TET1: variants seen among roughly 807,000 people sequenced by gnomAD.
TET1 encodes the protein methylcytosine dioxygenase TET1.
A neutral mutation model predicts 148.7 loss-of-function variants in TET1; 13 were observed. That is an observed-to-expected ratio of 0.09 (90% CI 0.06 to 0.14). TET1 has a LOEUF of 0.14. TET1 is among the 10% of genes least tolerant of loss of function. The pLI is 1.00. For synonymous variants in TET1, 907 were observed against 937.2 expected (o/e 0.97, Z 0.59); for missense variants, 2,182 against 2,553.8 (o/e 0.85, Z 3.14).
At chr10:68,654,473 C>G (rs570047328) in intron 6 of TET1, among the ~76,000 whole-genome samples, 1 of 151,576 alleles carries the variant, frequency 6.6e-6, no homozygotes, top group Non-Finnish European at 1.5e-5. Context: ...AAAAATTAGC[C>G]GGGCGTGGTG....
chr10:68,578,563 A>G (rs2053757974), intron 2 of TET1, among the ~76,000 whole-genome samples: 1 of 152,080 alleles, frequency 6.6e-6, no homozygotes, highest in East Asian at 1.9e-4. Flanking sequence ...ATTCTTTATA[A>G]TATTTTAATT....
At chr10:68,582,607 T>C (rs2053810511) in intron 2 of TET1, among the ~76,000 whole-genome samples, 1 of 152,196 alleles carries the variant, frequency 6.6e-6, no homozygotes, top group Admixed American at 6.5e-5. Context: ...ATTGTCTAGT[T>C]CCAGGGCTGT....
intron 8 of TET1, among the ~76,000 whole-genome samples, chr10:68,679,165 AG>A (rs1186273456): frequency 6.6e-6 from 1 of 152,238 alleles, no homozygotes; most frequent in East Asian, 1.9e-4. Flanking sequence ...CCTGGGCAAC[AG>A]AGTGAAACTC....
At chr10:68,686,777 C>T (rs775246601) in intron 11 of TET1, 70 bp downstream of exon 11, 79 of 1,412,238 alleles carry the variant, frequency 5.6e-5, no homozygotes, top group Non-Finnish European at 7.0e-5. Flanking sequence ...TTTGCCTTGC[C>T]TTATTTGTTT....
intron 2 of TET1, among the ~76,000 whole-genome samples, chr10:68,583,473 T>A (rs1304376494): frequency 1.3e-5 from 2 of 152,200 alleles, no homozygotes; most frequent in African/African-American, 4.8e-5. Flanking sequence ...CAGAAGGTGT[T>A]GGCTAATTAT....
chr10:68,672,884 C>T lies in TET1; in HGVS notation c.4674-11C>T. ...TTCATCAATTCACTCTCTTGAATTA[C>T]AATCTTACAGTCGTACCTGTACATG... is the stretch of plus-strand genomic sequence containing the variant. On this transcript the variant is annotated splice_polypyrimidine_tract_variant and intron_variant, in intron 7 of 11. Coordinates refer to ENST00000373644, the MANE Select transcript of TET1 (RefSeq NM_030625.3). 1 of 1,597,982 alleles carries T rather than the reference C, an allele frequency of 6.3e-7. No homozygotes were observed. The highest frequency in any genetic ancestry group is 8.6e-7 in the Non-Finnish European group (1 of 1,169,416).
intron 2 of TET1, among the ~76,000 whole-genome samples, chr10:68,594,081 A>G (rs2053951456): frequency 6.6e-6 from 1 of 150,672 alleles, no homozygotes. Context: ...ATGCGCCACC[A>G]TGCCTGGCTA....
intron 8 of TET1, among the ~76,000 whole-genome samples, chr10:68,674,202 G>A (rs1399416591): frequency 1.3e-5 from 2 of 151,968 alleles, no homozygotes; most frequent in Admixed American, 6.6e-5. Flanking sequence ...GATCTCAGGT[G>A]AGATCTGTAG....
At chr10:68,617,315 C>T (rs1347457766) in intron 3 of TET1, among the ~76,000 whole-genome samples, 6 of 151,922 alleles carry the variant, frequency 3.9e-5, no homozygotes, top group Admixed American at 2.6e-4. Context: ...TTAGCCACCG[C>T]GCCTGGCCAA....
intron 2 of TET1, among the ~76,000 whole-genome samples, chr10:68,578,290 G>A (rs940205799): frequency 3.9e-5 from 6 of 151,940 alleles, no homozygotes; most frequent in Non-Finnish European, 7.4e-5. Context: ...ACAAAGTCTC[G>A]CTCTGTCACC....
chr10:68,580,807 T>TAC (rs2053788745), intron 2 of TET1, among the ~76,000 whole-genome samples: 1 of 122,980 alleles, frequency 8.1e-6, no homozygotes, highest in South Asian at 2.5e-4. Flanking sequence ...AAAAAAAAAA[T>TAC]ATATATATAT....
At chr10:68,579,662 A>G (rs76955436) in intron 2 of TET1, among the ~76,000 whole-genome samples, 6,257 of 152,294 alleles carry the variant, frequency 0.041, 433 homozygotes, top group African/African-American at 0.14. Flanking sequence ...CACTCAAAAT[A>G]AAAGAAATAG....
chr10:68,659,083 C>T (rs1158498263), intron 6 of TET1, among the ~76,000 whole-genome samples: 2 of 152,002 alleles, frequency 1.3e-5, no homozygotes, highest in Non-Finnish European at 2.9e-5. Flanking sequence ...CAAAATTAGC[C>T]GGGCGTGGTG....
chr10:68,688,201 G>A (rs775132045), intron 11 of TET1, among the ~76,000 whole-genome samples: 15 of 151,780 alleles, frequency 9.9e-5, no homozygotes, highest in Non-Finnish European at 1.3e-4. Flanking sequence ...TGATTCAAGC[G>A]ATTCTCCTGC....
rs942341804 is a variant in TET1, at chr10:68,642,989, G to A, written c.1969-1709G>A. Among the ~76,000 whole-genome samples, 7 of 152,000 alleles carry A rather than the reference G, an allele frequency of 4.6e-5. No homozygotes were observed. In the South Asian group the frequency reaches 8.3e-4, roughly 18 times the overall value. ...TAAGAAAAATTAGGTTGGGTGCAGC[G>A]GCTCGTGTCTGTAACCCCAGTACTT... is the stretch of plus-strand genomic sequence containing the variant. On this transcript the variant is annotated intron_variant, in intron 3 of 11. Coordinates refer to ENST00000373644, the MANE Select transcript of TET1 (RefSeq NM_030625.3).
intron 2 of TET1, among the ~76,000 whole-genome samples, chr10:68,577,249 G>C (rs1185328144): frequency 6.6e-6 from 1 of 151,882 alleles, no homozygotes; most frequent in East Asian, 2.0e-4. Context: ...GTTTTGCCAT[G>C]TTGGCCAGGC....
At chr10:68,577,576 G>A (rs2053747022) in intron 2 of TET1, among the ~76,000 whole-genome samples, 1 of 152,058 alleles carries the variant, frequency 6.6e-6, no homozygotes, top group Non-Finnish European at 1.5e-5. Flanking sequence ...GGGAGGCCAA[G>A]GCAGGCAGAT....
intron 6 of TET1, among the ~76,000 whole-genome samples, chr10:68,661,241 G>A (rs71478838): frequency 0.087 from 11,803 of 136,124 alleles, 723 homozygotes; most frequent in South Asian, 0.16. Flanking sequence ...GTAGAGACGG[G>A]GTTTCACCAT....
In TET1 at chr10:68,691,064, A is replaced by G. The variant is rs1360391397; in HGVS notation, c.5661A>G (p.Arg1887=). 3.1e-6 allele frequency: 5 copies of G among 1,613,996 alleles called. No homozygotes were observed. The highest frequency in any genetic ancestry group is 3.4e-6 in the Non-Finnish European group (4 of 1,180,032). ...STPHCTMPSG[R]LSGANAAAAD... is the part of the protein sequence containing the mutation. ...CCCACTGTACGATGCCTTCGGGAAGACTCAGTGGTGCCAATGCAGCTGCTG... is the reference window on the plus strand; with the variant it reads ...CCCACTGTACGATGCCTTCGGGAAGGCTCAGTGGTGCCAATGCAGCTGCTG... Residue 1887 remains arginine (R), a synonymous_variant, in exon 12 of 12, where the codon AGA becomes AGG. Coordinates refer to ENST00000373644, the MANE Select transcript of TET1 (RefSeq NM_030625.3). This position sits in a 1 kb window ranked among gnomAD's most constrained non-coding sequence, Gnocchi z 4.4.
Sources: gnomAD v4.1 joint callset for allele counts (sites outside exome capture counted in the v4.1 genomes callset) on GRCh38, gnomAD v4.1.1 for gene constraint, Gnocchi (gnomAD v3.1) non-coding constraint, MANE v1.5 for transcripts, NCBI Gene and HGNC (gene_info 2026-07-23, HGNC 2026-07-21) for gene names.